The following PUDP variants were observed in gnomAD, a reference collection of about 807,000 sequenced individuals.
PUDP encodes pseudouridine-5'-phosphatase.
In PUDP, 8 loss-of-function variants were observed where a neutral mutation model predicts 9.4. The observed-to-expected ratio is 0.85, with a 90% CI of 0.50 to 1.53. The LOEUF (loss-of-function observed/expected upper bound fraction) is 1.53. Ranked by LOEUF, PUDP falls within the 40% of genes most tolerant of loss-of-function variation. The pLI is 0.00. For missense variants in PUDP, 188 were observed against 189.7 expected (o/e 0.99, Z 0.05); for synonymous variants, 99 against 80.7 (o/e 1.23, Z -1.22).
At chrX:6,937,090 C>G (rs1236854770) in intron 3 of PUDP, among the ~76,000 whole-genome samples, 3 of 104,810 alleles carry the variant, frequency 2.9e-5, no homozygotes, top group African/African-American at 1.0e-4. Context: ...CCATCCCCAT[C>G]AAGCTACCAA....
intron 1 of PUDP, among the ~76,000 whole-genome samples, chrX:7,034,505 T>C (rs1321965353): frequency 8.9e-6 from 1 of 112,144 alleles, no homozygotes; most frequent in African/African-American, 3.2e-5. Context: ...AAGACATACA[T>C]CTCTTAGAGA....
At chrX:6,776,774 T>C (rs1035745813) in intron 3 of PUDP, among the ~76,000 whole-genome samples, 3 of 112,478 alleles carry the variant, frequency 2.7e-5, no homozygotes, top group African/African-American at 9.7e-5. Context: ...TAACATCTAC[T>C]TGTAATCTTT....
intron 3 of PUDP, among the ~76,000 whole-genome samples, chrX:6,739,392 G>C (rs1277028678): frequency 9.0e-6 from 1 of 111,723 alleles, no homozygotes; most frequent in African/African-American, 3.3e-5. Flanking sequence ...CTCTGTTTGT[G>C]GGACCTTATT....
intron 3 of PUDP, among the ~76,000 whole-genome samples, chrX:6,832,085 G>T (rs1926512429): frequency 9.0e-6 from 1 of 111,462 alleles, no homozygotes; most frequent in Non-Finnish European, 1.9e-5. Context: ...GCCAAAAACT[G>T]CTCTTTATCC....
chrX:7,027,993 A>C lies in PUDP; in HGVS notation c.204+49227T>G, dbSNP rs1929742930. On this transcript the variant is annotated intron_variant and NMD_transcript_variant, in intron 1 of 3. Transcript: ENST00000655425. ...TATATAAAGTTTATATACTGTCTAT[A>C]TATTGTCTAGACTATATTATTCTAT... is the stretch of plus-strand genomic sequence containing the variant. Among the ~76,000 whole-genome samples, 5 of 103,971 alleles carry C rather than the reference A, an allele frequency of 4.8e-5. No homozygotes were observed. In the South Asian group the frequency reaches 2.1e-3, roughly 44 times the overall value. The allele number at this position is 103,971 out of a possible 115,157, so 90.3% of individuals were successfully genotyped here.
intron 3 of PUDP, among the ~76,000 whole-genome samples, chrX:6,841,770 GT>G (rs1301554005): frequency 3.6e-5 from 4 of 111,598 alleles, no homozygotes; most frequent in Admixed American, 2.9e-4. Flanking sequence ...TTCTTTCTTT[GT>G]TTTTTTCTTT....
intron 3 of PUDP, among the ~76,000 whole-genome samples, chrX:7,054,582 A>G (rs1930189631): frequency 9.0e-6 from 1 of 111,311 alleles, no homozygotes; most frequent in African/African-American, 3.3e-5. Flanking sequence ...ACCCTTGCAA[A>G]GTTAACTATT....
chrX:6,800,914 A>T lies in PUDP; in HGVS notation c.*248-94448T>A, dbSNP rs140016942. Among the ~76,000 whole-genome samples the T allele has an allele frequency of 4.0e-3, 448 of 111,193 alleles. 11 individuals carry two copies. The East Asian group carries it at 0.086, about 21-fold the overall frequency. On this transcript the variant is annotated intron_variant and NMD_transcript_variant, in intron 3 of 3. Coordinates refer to the PUDP transcript ENST00000655425. ...AGCATCTCTCAATCCCTTCCTCTCCATCTTCGCTGACTACAAGAACTGCCA... is the reference window on the plus strand; with the variant it reads ...AGCATCTCTCAATCCCTTCCTCTCCTTCTTCGCTGACTACAAGAACTGCCA...
At chrX:6,785,746 C>T (rs1925637236) in intron 3 of PUDP, among the ~76,000 whole-genome samples, 1 of 111,473 alleles carries the variant, frequency 9.0e-6, no homozygotes, top group African/African-American at 3.3e-5. Context: ...CTATCCCTAT[C>T]ACCACTACCA....
At chrX:6,911,619 A>C (rs1927850860) in intron 3 of PUDP, among the ~76,000 whole-genome samples, 1 of 112,171 alleles carries the variant, frequency 8.9e-6, no homozygotes, top group South Asian at 3.6e-4. Context: ...ACCATGCCTC[A>C]TGTTGAATGT....
intron 3 of PUDP, among the ~76,000 whole-genome samples, chrX:7,062,481 T>C (rs759986220): frequency 2.7e-5 from 3 of 111,285 alleles, no homozygotes; most frequent in South Asian, 7.6e-4. Context: ...AAGGTGTGTG[T>C]GGGGTGAGAA....
At chrX:7,132,164 T>C (rs1218325084) in intron 1 of PUDP, among the ~76,000 whole-genome samples, 6 of 111,360 alleles carry the variant, frequency 5.4e-5, no homozygotes, top group African/African-American at 2.0e-4. Flanking sequence ...TGTCTCAGTA[T>C]CTGGCAACTG....
intron 3 of PUDP, among the ~76,000 whole-genome samples, chrX:7,076,404 G>A (rs921466475): frequency 9.0e-6 from 1 of 111,641 alleles, no homozygotes; most frequent in African/African-American, 3.3e-5. Context: ...CACTTACATC[G>A]CCAGCGGGAG....
intron 3 of PUDP, among the ~76,000 whole-genome samples, chrX:6,928,875 T>C (rs1928147147): frequency 1.8e-5 from 2 of 111,645 alleles, no homozygotes; most frequent in African/African-American, 3.3e-5. Flanking sequence ...CACTCCAGCC[T>C]GGGTGAAAGA....
intron 3 of PUDP, among the ~76,000 whole-genome samples, chrX:6,879,839 G>A (rs1927318766): frequency 1.8e-5 from 2 of 111,152 alleles, no homozygotes; most frequent in South Asian, 7.7e-4. Flanking sequence ...GCCTGCCCTG[G>A]GTTTCACACC....
At chrX:6,792,819 G>A (rs1925772470) in intron 3 of PUDP, among the ~76,000 whole-genome samples, 1 of 112,686 alleles carries the variant, frequency 8.9e-6, no homozygotes, top group African/African-American at 3.2e-5. Context: ...TTTGTTATAA[G>A]TGCCTCAGCC....
chrX:6,985,919 C>A lies in PUDP; in HGVS notation c.205-7576G>T, dbSNP rs550310952. Among the ~76,000 whole-genome samples the A allele has an allele frequency of 3.8e-4, 42 of 111,442 alleles. No individual in the cohort carries two copies. In the South Asian group the frequency reaches 0.015, roughly 41 times the overall value. On this transcript the variant is annotated intron_variant and NMD_transcript_variant, in intron 1 of 3. Transcript: ENST00000655425. ...CACAGGGTGAGATAGGAGGTCGGCA[C>A]AATATACAGGTCACAAAGACCTTGC...
intron 3 of PUDP, among the ~76,000 whole-genome samples, chrX:6,811,005 A>G (rs758010256): frequency 3.6e-5 from 4 of 111,577 alleles, no homozygotes; most frequent in Non-Finnish European, 7.5e-5. Context: ...CAAGCCAAAC[A>G]TGGAGAAAAG....
chrX:6,831,415 T>C (rs1444043784), intron 3 of PUDP, among the ~76,000 whole-genome samples: 1 of 112,244 alleles, frequency 8.9e-6, no homozygotes, highest in Non-Finnish European at 1.9e-5. Context: ...GTTTCAAAGT[T>C]AAACTACAAA....
Sources: allele counts gnomAD v4.1 joint callset (sites outside exome capture counted in the v4.1 genomes callset), GRCh38; gene constraint gnomAD v4.1.1; transcripts MANE v1.5; gene names NCBI Gene and HGNC (gene_info 2026-07-23, HGNC 2026-07-21).